The following RB1 variants were observed in gnomAD, a reference collection of about 807,000 sequenced individuals.
The protein encoded by RB1 is RB transcriptional corepressor 1.
Under a neutral mutation model 135.4 loss-of-function variants are expected in RB1, and 18 were observed. That is an observed-to-expected ratio of 0.13 (90% confidence interval 0.09 to 0.20). The LOEUF (loss-of-function observed/expected upper bound fraction) is 0.20, where lower values mean the gene tolerates loss of function less well. Ranked by LOEUF, RB1 falls within the 10% of genes least tolerant of loss-of-function variation. The pLI is 1.00. For synonymous variants in RB1, 365 were observed against 373.2 expected (o/e 0.98, Z 0.25); for missense variants, 868 against 1,110.0 (o/e 0.78, Z 3.10).
rs73197547 is a variant in RB1 at position 48,386,126 on chromosome 13, C to T, written c.1695+4683C>T. ...TACTTGGGAGGCTGAGGCAACACAG[C>T]GAGACTCTGTCTCAAAAAAATAAAA... On this transcript the variant is annotated intron_variant, in intron 17 of 26. Transcript: ENST00000267163. Among the ~76,000 whole-genome samples the T allele has an allele frequency of 1.5e-3, 233 of 150,730 alleles. 2 individuals carry two copies. The highest frequency in any genetic ancestry group is 1.4e-3 in the Non-Finnish European group (94 of 67,804).
In RB1 at chr13:48,307,291, A is replaced by C; in HGVS notation, c.149A>C (p.Glu50Ala). 1 of 1,606,588 alleles carries C rather than the reference A, an allele frequency of 6.2e-7. No individual in the cohort carries two copies. The highest frequency in any genetic ancestry group is 1.1e-5 in the South Asian group (1 of 90,922). ...TTTTCATTTGGTAGGCTTGAGTTTG[A>C]AGAAACAGAAGAACCTGATTTTACT... is the stretch of plus-strand genomic sequence containing the variant. ...EDLPLVRLEF[E>A]ETEEPDFTAL... The change falls in exon 2 of 27, where the codon GAA (glutamate) becomes GCA (alanine). Residue 50 changes from glutamate (E) to alanine (A), a missense_variant. Glu to Ala is a moderately radical substitution (Grantham distance 107, BLOSUM62 -1). This residue lies in a region of RB1 where 641 missense variants were observed against 791.3 expected (regional missense o/e 0.81). Coordinates refer to ENST00000267163, the MANE Select transcript of RB1 (RefSeq NM_000321.3).
chr13:48,359,467 AAT>A (rs1167017149), intron 6 of RB1, among the ~76,000 whole-genome samples: 1 of 148,520 alleles, frequency 6.7e-6, no homozygotes, highest in Non-Finnish European at 1.5e-5. Flanking sequence ...ATTTTTAGAT[AAT>A]GAGAATTAAT....
chr13:48,341,153 A>G (rs1338156123), intron 2 of RB1: 1 of 152,098 alleles, frequency 6.6e-6, no homozygotes, highest in Non-Finnish European at 1.5e-5. Flanking sequence ...TGCCTTTTCT[A>G]GAATTTCATA....
chr13:48,313,491 G>A (rs924569491), intron 2 of RB1, among the ~76,000 whole-genome samples: 1 of 148,220 alleles, frequency 6.7e-6, no homozygotes, highest in African/African-American at 2.5e-5. Flanking sequence ...AAAGTCATAT[G>A]GTTTTTAGTT....
At chr13:48,405,384 T>C (rs1948730852) in intron 17 of RB1, among the ~76,000 whole-genome samples, 1 of 152,210 alleles carries the variant, frequency 6.6e-6, no homozygotes, top group Non-Finnish European at 1.5e-5. Context: ...TTTTGAAGAA[T>C]TTTAAGATTC....
intron 17 of RB1, among the ~76,000 whole-genome samples, chr13:48,435,702 T>G (rs924593557): frequency 2.0e-5 from 3 of 152,180 alleles, no homozygotes; most frequent in Admixed American, 6.5e-5. Flanking sequence ...CCATGATCCA[T>G]TTTAAGTTTA....
intron 11 of RB1, among the ~76,000 whole-genome samples, chr13:48,368,938 G>A (rs995112618): frequency 6.6e-6 from 1 of 152,014 alleles, no homozygotes; most frequent in Non-Finnish European, 1.5e-5. Flanking sequence ...CCCGGGAGGC[G>A]GAGGTTGCAG....
intron 17 of RB1, among the ~76,000 whole-genome samples, chr13:48,420,719 C>A (rs1445515578): frequency 1.3e-5 from 2 of 152,126 alleles, no homozygotes; most frequent in Non-Finnish European, 2.9e-5. Context: ...GTGCAGAAAT[C>A]ACAAGTATTC....
At chr13:48,455,846 G>T (rs1449600879) in intron 18 of RB1, among the ~76,000 whole-genome samples, 1 of 151,956 alleles carries the variant, frequency 6.6e-6, no homozygotes, top group Non-Finnish European at 1.5e-5. Context: ...ATTTTTAGAA[G>T]GAGAATCACA....
At position 48,303,948 on chromosome 13, in the gene RB1, CGCCGCCGCT is replaced by C. The variant is rs572454921; in HGVS notation, c.45_53del (p.Ala16_Ala18del). On this transcript the variant is annotated inframe_deletion, in exon 1 of 27. Coordinates refer to ENST00000267163, the MANE Select transcript of RB1 (RefSeq NM_000321.3). ...AAACCCCCCGAAAAACGGCCGCCACCGCCGCCGCTGCCGCCGCGGAACCCCCGGCACCGC... is the reference window on the plus strand; with the variant it reads ...AAACCCCCCGAAAAACGGCCGCCACCGCCGCCGCGGAACCCCCGGCACCGC... 2.0e-3 allele frequency: 2,982 copies of C among 1,509,402 alleles called. 53 individuals are homozygous for C. In the African/African-American group the frequency reaches 0.038, roughly 19 times the overall value. 93.5% of individuals were successfully genotyped at this position (1,509,402 alleles called of 1,614,324 possible).
chr13:48,481,135 T>C lies in RB1; in HGVS notation c.*1064T>C, dbSNP rs1949536330. 4.3e-6 allele frequency: 1 copy of C among 231,214 alleles called. No individual in the cohort carries two copies. Among genetic ancestry groups the C allele is most frequent in the East Asian group, 6.2e-5 (1 of 16,146 alleles). The allele number at this position is 231,214 out of a possible 1,614,324, so 14.3% of individuals were successfully genotyped here. A position where few individuals can be genotyped will look rare whatever the true frequency, so the allele number is the denominator to read the frequency against. ...TGTGTTTTCTCTGGAATGGTACATG[T>C]CTTCCATGTATCTTTTGAACTGGCA... On this transcript the variant is annotated 3_prime_UTR_variant, in exon 27 of 27. Coordinates refer to ENST00000267163, the MANE Select transcript of RB1 (RefSeq NM_000321.3).
intron 6 of RB1, among the ~76,000 whole-genome samples, chr13:48,359,528 TAATA>T (rs1952619915): frequency 6.8e-6 from 1 of 147,866 alleles, no homozygotes; most frequent in African/African-American, 2.4e-5. Context: ...TAATTTTATA[TAATA>T]AATATACTTA....
rs577062706 is a variant in RB1, at chr13:48,421,193, C to G, written c.1696-31800C>G. Reference sequence around the variant, plus strand: ...ATTGGTACCAAAACAGATATATTGACCAATGGAACAGAAGAGAGGCCTCAG... The same window carrying G: ...ATTGGTACCAAAACAGATATATTGAGCAATGGAACAGAAGAGAGGCCTCAG... On this transcript the variant is annotated intron_variant, in intron 17 of 26. Transcript: ENST00000267163. Among the ~76,000 whole-genome samples the G allele has an allele frequency of 2.0e-5, 3 of 152,142 alleles. No individual in the cohort carries two copies. The South Asian group carries it at 6.2e-4, about 32-fold the overall frequency.
chr13:48,375,504 G>T (rs1359934601), intron 12 of RB1, among the ~76,000 whole-genome samples: 1 of 149,626 alleles, frequency 6.7e-6, no homozygotes, highest in East Asian at 1.9e-4. Context: ...ATATAGAATT[G>T]CTGATATTCT....
chr13:48,472,974 T>G (rs1235335674), intron 23 of RB1, among the ~76,000 whole-genome samples: 1 of 152,160 alleles, frequency 6.6e-6, no homozygotes, highest in Non-Finnish European at 1.5e-5. Flanking sequence ...GATTATTACT[T>G]AATATTCTAA....
intron 18 of RB1, among the ~76,000 whole-genome samples, chr13:48,453,342 C>T (rs1325867093): frequency 6.6e-6 from 1 of 152,108 alleles, no homozygotes; most frequent in East Asian, 1.9e-4. Context: ...GTTTTCATGG[C>T]AGAGTTGGCA....
chr13:48,428,390 T>A (rs2138269308), intron 17 of RB1, among the ~76,000 whole-genome samples: 1 of 117,604 alleles, frequency 8.5e-6, no homozygotes, highest in South Asian at 3.3e-4. Flanking sequence ...ACGAGTCATC[T>A]TCTACCAAAC....
chr13:48,320,100 G>A (rs992702861), intron 2 of RB1: 6 of 664,096 alleles, frequency 9.0e-6, no homozygotes, highest in Admixed American at 8.1e-5. Flanking sequence ...GCAATGTCCC[G>A]GTCCACGGAA....
chr13:48,475,816 G>T (rs1237303664), intron 24 of RB1, among the ~76,000 whole-genome samples: 1 of 152,164 alleles, frequency 6.6e-6, no homozygotes, highest in African/African-American at 2.4e-5. Context: ...ATTAAAATGT[G>T]TGTTACAAAT....
Sources: allele counts gnomAD v4.1 joint callset (sites outside exome capture counted in the v4.1 genomes callset), GRCh38; gene constraint gnomAD v4.1.1; regional missense constraint gnomAD v4.1.1; transcripts MANE v1.5; gene names NCBI Gene and HGNC (gene_info 2026-07-23, HGNC 2026-07-21).